Variants in HRH1 observed in about 807,000 individuals in gnomAD.
HRH1 encodes histamine receptor H1, also known as histamine H1 receptor.
HRH1 carries 6 observed loss-of-function variants against 10.3 expected under a neutral mutation model. The observed-to-expected ratio is 0.58, with a 90% CI of 0.32 to 1.15. The LOEUF is 1.15. Ranked by LOEUF, HRH1 falls within the 50% of genes most tolerant of loss-of-function variation. The pLI is 0.05. For synonymous variants in HRH1, 242 were observed against 236.7 expected (o/e 1.02, Z -0.21); for missense variants, 514 against 615.3 (o/e 0.84, Z 1.74).
At chr3:11,225,066 G>A (rs893855100) in intron 1 of HRH1, among the ~76,000 whole-genome samples, 9 of 152,194 alleles carry the variant, frequency 5.9e-5, no homozygotes, top group African/African-American at 2.2e-4. Flanking sequence ...GGAGTGCTGG[G>A]AAGTGCCACA....
At chr3:11,156,417 G>A (rs1936798575) in intron 1 of HRH1, among the ~76,000 whole-genome samples, 1 of 152,142 alleles carries the variant, frequency 6.6e-6, no homozygotes, top group Non-Finnish European at 1.5e-5. Context: ...AGGGAGGAGG[G>A]ACTTATACAT....
In HRH1 at chr3:11,259,157, C is replaced by G; in HGVS notation, c.120C>G (p.Val40=). ...TGGTCCTGAGCACTATCTGCTTGGTCACAGTAGGGCTCAACCTGCTGGTGC... is the reference window on the plus strand; with the variant it reads ...TGGTCCTGAGCACTATCTGCTTGGTGACAGTAGGGCTCAACCTGCTGGTGC... ...LVVVLSTICL[V]TVGLNLLVLY... Residue 40 remains valine, a synonymous_variant, in exon 2 of 2, where the codon GTC becomes GTG. Coordinates refer to ENST00000431010, the MANE Select transcript of HRH1 (RefSeq NM_001098212.2). The surrounding 1 kb of genome is among the most constrained non-coding windows in gnomAD (Gnocchi z 4.6). The G allele has an allele frequency of 1.2e-6, 2 of 1,614,066 alleles. No individual in the cohort carries two copies. The highest frequency in any genetic ancestry group is 8.5e-7 in the Non-Finnish European group (1 of 1,180,040).
intron 1 of HRH1, among the ~76,000 whole-genome samples, chr3:11,176,913 T>C (rs1979808): frequency 0.19 from 29,214 of 151,878 alleles, 5,243 homozygotes; most frequent in African/African-American, 0.48. Flanking sequence ...GCCAACATGA[T>C]GAAACTCCGT....
intron 1 of HRH1, among the ~76,000 whole-genome samples, chr3:11,191,389 G>C (rs1937526960): frequency 6.6e-6 from 1 of 152,120 alleles, no homozygotes. Flanking sequence ...TGGTGGAAAA[G>C]GAGAGGTCAA....
chr3:11,213,996 G>C (rs904255142), intron 1 of HRH1, among the ~76,000 whole-genome samples: 5 of 152,170 alleles, frequency 3.3e-5, no homozygotes, highest in Non-Finnish European at 5.9e-5. Context: ...TCTGAGGTGG[G>C]CCTGGGGCCG....
rs561468938 is a variant in HRH1, at chr3:11,231,614, G to A, written c.-35-27389G>A. On this transcript the variant is annotated intron_variant, in intron 1 of 1. Coordinates refer to ENST00000431010, the MANE Select transcript of HRH1 (RefSeq NM_001098212.2). ...TAATATTGAACATCTTTTCACATGC[G>A]GATGTGCCATCTGTATCATCTGTTT... Among the ~76,000 whole-genome samples the A allele has an allele frequency of 3.9e-5, 6 of 152,208 alleles. No individual in the cohort carries two copies. In the South Asian group the frequency reaches 6.2e-4, roughly 16 times the overall value.
intron 1 of HRH1, among the ~76,000 whole-genome samples, chr3:11,157,899 A>C (rs1160883722): frequency 6.6e-6 from 1 of 152,268 alleles, no homozygotes; most frequent in African/African-American, 2.4e-5. Flanking sequence ...TTTGAATCTT[A>C]GTTCTGCCAG....
At chr3:11,253,730 G>A (rs772751277) in intron 1 of HRH1, among the ~76,000 whole-genome samples, 15 of 152,172 alleles carry the variant, frequency 9.9e-5, no homozygotes, top group Admixed American at 5.9e-4. Flanking sequence ...CCGCTGGAAC[G>A]TTCTGACCGG....
At chr3:11,172,605 C>G (rs1937172448) in intron 1 of HRH1, among the ~76,000 whole-genome samples, 1 of 152,064 alleles carries the variant, frequency 6.6e-6, no homozygotes, top group Non-Finnish European at 1.5e-5. Context: ...TACACCAGCC[C>G]CTGGGACCTG....
chr3:11,237,243 G>A (rs1228794966), intron 1 of HRH1, among the ~76,000 whole-genome samples: 8 of 152,182 alleles, frequency 5.3e-5, no homozygotes, highest in Non-Finnish European at 1.2e-4. Flanking sequence ...TGAAAAAGAG[G>A]ATGATGTATT....
intron 1 of HRH1, among the ~76,000 whole-genome samples, chr3:11,256,495 G>A (rs346073): frequency 0.83 from 126,460 of 152,134 alleles, 52,724 homozygotes; most frequent in East Asian, 1. Flanking sequence ...ATCTTAAAAA[G>A]TTATATAAAT....
intron 1 of HRH1, among the ~76,000 whole-genome samples, chr3:11,181,681 GA>G (rs1264307796): frequency 1.4e-5 from 2 of 144,750 alleles, no homozygotes; most frequent in African/African-American, 5.4e-5. Flanking sequence ...GCCCAGGCTG[GA>G]GCGCAGTGGC....
chr3:11,176,204 A>G (rs1937246119), intron 1 of HRH1, among the ~76,000 whole-genome samples: 1 of 152,010 alleles, frequency 6.6e-6, no homozygotes, highest in South Asian at 2.1e-4. Context: ...AGAGTAGATT[A>G]AAACTGTGTA....
intron 1 of HRH1, among the ~76,000 whole-genome samples, chr3:11,178,183 T>C (rs1487120355): frequency 6.6e-6 from 1 of 152,198 alleles, no homozygotes; most frequent in Non-Finnish European, 1.5e-5. Flanking sequence ...TTGTCCCCTC[T>C]GGGGCCCAGG....
intron 1 of HRH1, among the ~76,000 whole-genome samples, chr3:11,212,631 G>A (rs1033980889): frequency 5.3e-5 from 8 of 152,082 alleles, no homozygotes; most frequent in South Asian, 2.1e-4. Context: ...CCTTCCATGC[G>A]TTGTTTCTAG....
At chr3:11,163,664 C>A (rs2171544) in intron 1 of HRH1, among the ~76,000 whole-genome samples, 34,595 of 151,838 alleles carry the variant, frequency 0.23, 4,486 homozygotes, top group Admixed American at 0.38. Context: ...AGTGCTGCTC[C>A]TAGTAGCATC....
rs1485435433 is a variant in HRH1, at chr3:11,216,327, G to A, written c.-35-42676G>A. Among the ~76,000 whole-genome samples the A allele has an allele frequency of 2.0e-5, 3 of 152,176 alleles. No homozygotes were observed. In the East Asian group the frequency reaches 5.8e-4, roughly 29 times the overall value. On this transcript the variant is annotated intron_variant, in intron 1 of 1. Transcript: ENST00000431010. ...TGAAGAGACGTCTATATACACCCAT[G>A]TTCATAGCAGCATTATTCACAGCAG...
intron 1 of HRH1, among the ~76,000 whole-genome samples, chr3:11,222,873 T>C (rs921087098): frequency 2.0e-5 from 3 of 152,114 alleles, no homozygotes; most frequent in African/African-American, 4.8e-5. Flanking sequence ...TTTTCTCTTT[T>C]CAGAGCCACT....
intron 1 of HRH1, among the ~76,000 whole-genome samples, chr3:11,206,105 T>C (rs1938115037): frequency 6.6e-6 from 1 of 152,098 alleles, no homozygotes; most frequent in Non-Finnish European, 1.5e-5. Context: ...GGTGGTTGGC[T>C]GTTTTCACAT....
Sources: allele counts gnomAD v4.1 joint callset (sites outside exome capture counted in the v4.1 genomes callset), GRCh38; gene constraint gnomAD v4.1.1; non-coding constraint Gnocchi (gnomAD v3.1); transcripts MANE v1.5; gene names NCBI Gene and HGNC (gene_info 2026-07-23, HGNC 2026-07-21).